Variants in SFI1 observed in about 807,000 individuals in gnomAD.
The protein encoded by SFI1 is SFI1 centrin binding protein, also known as protein SFI1 homolog.
In SFI1, 195 loss-of-function variants were observed where a neutral mutation model predicts 207.5. That is an observed-to-expected ratio of 0.94 (90% CI 0.84 to 1.06). The LOEUF (loss-of-function observed/expected upper bound fraction) is 1.06. SFI1 is among the 50% of genes least tolerant of loss of function. The pLI, the probability that SFI1 is intolerant of heterozygous loss-of-function variation, is 0.00. For missense variants in SFI1, 1,634 were observed against 1,588.0 expected (o/e 1.03, Z -0.49); for synonymous variants, 630 against 598.9 (o/e 1.05, Z -0.76).
intron 8 of SFI1, among the ~76,000 whole-genome samples, chr22:31,569,606 C>A (rs1247563081): frequency 6.6e-6 from 1 of 152,020 alleles, no homozygotes; most frequent in South Asian, 2.1e-4. Context: ...CTTTAAGTGA[C>A]CTAACAATTA....
chr22:31,543,519 C>T (rs1002015015), intron 4 of SFI1, among the ~76,000 whole-genome samples: 3 of 151,944 alleles, frequency 2.0e-5, no homozygotes, highest in South Asian at 2.1e-4. Flanking sequence ...TTTTAAAAAC[C>T]GTGAGTGGAA....
intron 2 of SFI1, among the ~76,000 whole-genome samples, chr22:31,526,328 A>G (rs2057903304): frequency 6.6e-6 from 1 of 152,182 alleles, no homozygotes. Context: ...GGAAGCAAAC[A>G]CGTCCTTTTT....
At chr22:31,529,623 A>C (rs1768217670) in intron 3 of SFI1, among the ~76,000 whole-genome samples, 1 of 152,204 alleles carries the variant, frequency 6.6e-6, no homozygotes, top group Non-Finnish European at 1.5e-5. Context: ...TTTATGACTT[A>C]ATGAGAGTTT....
rs892983992 is a variant in SFI1 at position 31,503,315 on chromosome 22, G to C, written c.-30-4940G>C. Among the ~76,000 whole-genome samples, 3 of 152,216 alleles carry C rather than the reference G, an allele frequency of 2.0e-5. No homozygotes were observed. In the East Asian group the frequency reaches 5.8e-4, roughly 29 times the overall value. On this transcript the variant is annotated intron_variant, in intron 1 of 32. Coordinates refer to ENST00000400288, the MANE Select transcript of SFI1 (RefSeq NM_001007467.3). ...TTGGAAGCGGGACAGCAGAAGTGGC[G>C]TGAATACCCTGTCTGACAGGGTTGG...
At chr22:31,569,643 C>A (rs1445640118) in intron 8 of SFI1, among the ~76,000 whole-genome samples, 1 of 152,092 alleles carries the variant, frequency 6.6e-6, no homozygotes, top group Non-Finnish European at 1.5e-5. Context: ...ACCACTCTGG[C>A]TGTTGTGTTA....
chr22:31,602,504 C>G, intron 16 of SFI1, 103 bp from the exon 17 acceptor site: 10 of 1,381,662 alleles, frequency 7.2e-6, no homozygotes, highest in Non-Finnish European at 1.0e-5. Flanking sequence ...GACATCCATT[C>G]CTTTTGCCTT....
At chr22:31,603,181 C>T (rs188849706) in intron 17 of SFI1, among the ~76,000 whole-genome samples, 1,640 of 152,272 alleles carry the variant, frequency 0.011, 8 homozygotes, top group Middle Eastern at 0.031. Flanking sequence ...TGCAGTGAAC[C>T]GAGATGGCAC....
chr22:31,598,176 G>C (rs906545748), intron 15 of SFI1, among the ~76,000 whole-genome samples: 1 of 151,538 alleles, frequency 6.6e-6, no homozygotes, highest in African/African-American at 2.4e-5. Context: ...TAGTAGAGAA[G>C]GGGTTTCACT....
intron 20 of SFI1, chr22:31,605,692 A>T (rs1243707979): frequency 2.6e-5 from 4 of 152,142 alleles, no homozygotes; most frequent in Non-Finnish European, 4.4e-5. Flanking sequence ...TACTAAATAT[A>T]AAAAAAATTA....
chr22:31,596,237 G>C (rs1209391870), intron 15 of SFI1, among the ~76,000 whole-genome samples: 4 of 152,034 alleles, frequency 2.6e-5, no homozygotes, highest in Non-Finnish European at 2.9e-5. Context: ...TTGGATGACA[G>C]AGCGAGACTC....
Position 31,593,135 on chromosome 22 carries a change from AC to A in SFI1, c.1544+3567del, listed in dbSNP as rs546470043. Among the ~76,000 whole-genome samples the A allele has an allele frequency of 4.8e-3, 480 of 100,178 alleles. 6 individuals are homozygous for A. The Middle Eastern group carries it at 0.079, about 16-fold the overall frequency. The allele number at this position is 100,178 out of a possible 152,430, so 65.7% of individuals were successfully genotyped here. On this transcript the variant is annotated intron_variant, in intron 15 of 32. Transcript: ENST00000400288. ...GGGCGGCTGGCCGGGCGGGGGGCTGACCCCCCCCCACCTCCTTCCCGGACGG... is the reference window on the plus strand; with the variant it reads ...GGGCGGCTGGCCGGGCGGGGGGCTGACCCCCCCCACCTCCTTCCCGGACGG...
At chr22:31,594,647 A>C (rs2066800798) in intron 15 of SFI1, among the ~76,000 whole-genome samples, 1 of 151,558 alleles carries the variant, frequency 6.6e-6, no homozygotes, top group Admixed American at 6.6e-5. Context: ...CGAGGTCAGG[A>C]GATCAAGACC....
chr22:31,578,573 A>T, intron 11 of SFI1, 121 bp downstream of exon 11: 1 of 782,622 alleles, frequency 1.3e-6, no homozygotes, highest in Non-Finnish European at 2.0e-6. Context: ...AGTTTTGGTC[A>T]TGAAGCCCTC....
At chr22:31,562,372 A>G (rs1323590276) in intron 8 of SFI1, among the ~76,000 whole-genome samples, 1 of 151,794 alleles carries the variant, frequency 6.6e-6, no homozygotes, top group East Asian at 1.9e-4. Context: ...GTTCTCGCCA[A>G]TAATAATAAC....
intron 14 of SFI1, among the ~76,000 whole-genome samples, chr22:31,586,195 G>C (rs1434147328): frequency 2.0e-5 from 3 of 151,990 alleles, no homozygotes; most frequent in Middle Eastern, 3.4e-3. Context: ...TGTACCTCCA[G>C]TTCTCTATTT....
Position 31,611,171 on chromosome 22 carries a change from G to A in SFI1, c.2283G>A (p.Trp761Ter), listed in dbSNP as rs1331751529. The change falls in exon 23 of 33, where the codon TGG becomes TGA. Residue 761 changes from tryptophan (W) to a stop codon, truncating the protein, a stop_gained. Transcript: ENST00000400288. LOFTEE classifies it high-confidence loss of function. ...GTCTGCGGACCTGGTTTCAGCGCTG[G>A]TGGGACTGCAGCCGGAGGTCAGCCC... Reference protein sequence around the residue: ...RGCLRTWFQRWWDCSRRSAQQ... With the variant: ...RGCLRTWFQR 1 of 1,614,216 alleles carries A rather than the reference G, an allele frequency of 6.2e-7. No individual in the cohort carries two copies. The highest frequency in any genetic ancestry group is 1.7e-5 in the Admixed American group (1 of 60,034).
chr22:31,582,204 TTTTATATATATATA>T lies in SFI1; in HGVS notation c.1249-1669_1249-1656del, dbSNP rs1463277056. 4.7e-3 allele frequency among the ~76,000 whole-genome samples: 75 copies of T among 16,002 alleles called. 6 individuals are homozygous for T. Among genetic ancestry groups the T allele is most frequent in the African/African-American group, 0.017 (66 of 3,850 alleles). 10.5% of individuals were successfully genotyped at this position (16,002 alleles called of 152,430 possible). A position where few individuals can be genotyped will look rare whatever the true frequency, so the allele number is the denominator to read the frequency against. The stretch of plus-strand genomic sequence containing the variant: ...CCCCCAACAACACTTCTTTATTACA[TTTTATATATATATA>T]TATATATATATATATATATTTTTTT... On this transcript the variant is annotated intron_variant, in intron 12 of 32. Transcript: ENST00000400288.
intron 13 of SFI1, 39 bp from the exon 14 acceptor site, chr22:31,585,029 A>T: frequency 6.2e-7 from 1 of 1,601,556 alleles, no homozygotes; most frequent in Non-Finnish European, 8.5e-7. Context: ...CAAAGTTTTA[A>T]AAACTTGAAA....
chr22:31,515,544 CTGTGTGTGTGTG>C (rs34222417), intron 2 of SFI1, among the ~76,000 whole-genome samples: 174 of 146,480 alleles, frequency 1.2e-3, no homozygotes, highest in Non-Finnish European at 1.8e-3. Flanking sequence ...GTGCCTGGCT[CTGTGTGTGTGTG>C]TGTGTGTGTG....
Sources: allele counts gnomAD v4.1 joint callset (sites outside exome capture counted in the v4.1 genomes callset), GRCh38; gene constraint gnomAD v4.1.1; transcripts MANE v1.5; gene names NCBI Gene and HGNC (gene_info 2026-07-23, HGNC 2026-07-21).